Variants in PLCB1 observed in about 807,000 individuals in gnomAD.
PLCB1 encodes the protein 1-phosphatidylinositol 4,5-bisphosphate phosphodiesterase beta-1.
In PLCB1, 46 loss-of-function variants were observed where a neutral mutation model predicts 161.8. That is an observed-to-expected ratio of 0.28 (90% CI 0.22 to 0.36). The LOEUF (loss-of-function observed/expected upper bound fraction) is 0.36, where lower values mean the gene tolerates loss of function less well. Ranked by LOEUF, PLCB1 falls within the 10% of genes least tolerant of loss-of-function variation. PLCB1 has a pLI of 1.00. For synonymous variants in PLCB1, 517 were observed against 503.7 expected (o/e 1.03, Z -0.35); for missense variants, 1,016 against 1,472.5 (o/e 0.69, Z 5.07).
chr20:8,231,717 C>A (rs1480419296), intron 2 of PLCB1, among the ~76,000 whole-genome samples: 1 of 16,522 alleles, frequency 6.1e-5, no homozygotes, highest in Non-Finnish European at 1.1e-4. Context: ...ACCCATTGAC[C>A]AAACAGGAGA....
At chr20:8,465,401 C>T (rs144997782) in intron 3 of PLCB1, among the ~76,000 whole-genome samples, 262 of 152,140 alleles carry the variant, frequency 1.7e-3, no homozygotes, top group African/African-American at 6.0e-3. Flanking sequence ...GTGCTCAATT[C>T]ATCAGGCAAT....
At chr20:8,644,238 G>A (rs1482180217) in intron 4 of PLCB1, among the ~76,000 whole-genome samples, 4 of 151,848 alleles carry the variant, frequency 2.6e-5, no homozygotes, top group Non-Finnish European at 4.4e-5. Flanking sequence ...AGTGAGGAGC[G>A]TCTCTGCCTG....
chr20:8,332,142 G>T, intron 2 of PLCB1, among the ~76,000 whole-genome samples: 1 of 152,174 alleles, frequency 6.6e-6, no homozygotes, highest in Non-Finnish European at 1.5e-5. Context: ...CTTTCATAAT[G>T]CCTTGTGCTG....
intron 2 of PLCB1, among the ~76,000 whole-genome samples, chr20:8,278,978 TAAA>T: frequency 8.1e-6 from 1 of 123,736 alleles, no homozygotes; most frequent in African/African-American, 3.1e-5. Context: ...CAGTGTTTTT[TAAA>T]AAAAAAAACA....
chr20:8,515,544 C>T (rs1984073668), intron 3 of PLCB1, among the ~76,000 whole-genome samples: 1 of 152,076 alleles, frequency 6.6e-6, no homozygotes, highest in Non-Finnish European at 1.5e-5. Flanking sequence ...ATTTGTATTC[C>T]TAGCTCAGAG....
Position 8,647,957 on chromosome 20 carries a change from A to C in PLCB1, c.518+4A>C, listed in dbSNP as rs776964999. The C allele has an allele frequency of 6.5e-7, 1 of 1,544,584 alleles. No homozygotes were observed. Among genetic ancestry groups the C allele is most frequent in the Non-Finnish European group, 8.7e-7 (1 of 1,143,852 alleles). On this transcript the variant is annotated splice_donor_region_variant and intron_variant, in intron 6 of 31. Transcript: ENST00000338037. Reference sequence around the variant, plus strand: ...AAGGGCGTATTCCTCTCAAAAAGTAAGCTTTGTGAGCATTTCTCATTATTC... The same window carrying C: ...AAGGGCGTATTCCTCTCAAAAAGTACGCTTTGTGAGCATTTCTCATTATTC...
intron 31 of PLCB1, among the ~76,000 whole-genome samples, chr20:8,853,146 C>A (rs1482769826): frequency 6.6e-6 from 1 of 152,150 alleles, no homozygotes; most frequent in African/African-American, 2.4e-5. Context: ...ATCAAAGGAA[C>A]TTTGGGCACA....
intron 3 of PLCB1, among the ~76,000 whole-genome samples, chr20:8,401,980 A>AT (rs1019233197): frequency 4.6e-5 from 7 of 151,882 alleles, no homozygotes; most frequent in African/African-American, 1.5e-4. Flanking sequence ...TGCATAACCT[A>AT]TTTTTTTCTC....
chr20:8,151,182 A>G (rs563620662), intron 2 of PLCB1, among the ~76,000 whole-genome samples: 2 of 152,294 alleles, frequency 1.3e-5, no homozygotes, highest in South Asian at 4.1e-4. Flanking sequence ...GGGTTTACTG[A>G]GAATGCTAAA....
At chr20:8,224,747 T>TC (rs527306611) in intron 2 of PLCB1, among the ~76,000 whole-genome samples, 43 of 152,120 alleles carry the variant, frequency 2.8e-4, no homozygotes, top group Middle Eastern at 3.4e-3. Flanking sequence ...TCTGGCACCA[T>TC]CCCCCCGCCC....
At chr20:8,259,530 C>T (rs191900237) in intron 2 of PLCB1, among the ~76,000 whole-genome samples, 10 of 152,092 alleles carry the variant, frequency 6.6e-5, no homozygotes, top group African/African-American at 1.9e-4. Context: ...GTGGGAGGAT[C>T]GCTTGAGCCC....
rs914499616 is a variant in PLCB1 at position 8,431,980 on chromosome 20, C to T, written c.246+60530C>T. ...CAGAACATTCCTTCTTTTGGCTTGT[C>T]GGCAACCACCATGTCACTGTGTGCT... is the stretch of plus-strand genomic sequence containing the variant. On this transcript the variant is annotated intron_variant, in intron 3 of 31. Coordinates refer to ENST00000338037, the MANE Select transcript of PLCB1 (RefSeq NM_015192.4). 1.3e-4 allele frequency among the ~76,000 whole-genome samples: 19 copies of T among 151,702 alleles called. No individual in the cohort carries two copies. In the East Asian group the frequency reaches 1.9e-3, roughly 15 times the overall value.
intron 2 of PLCB1, among the ~76,000 whole-genome samples, chr20:8,228,734 G>A (rs775220600): frequency 5.9e-5 from 9 of 151,810 alleles, no homozygotes; most frequent in Non-Finnish European, 1.2e-4. Context: ...TGTTGCTCAG[G>A]CTGAACTCTC....
At chr20:8,612,537 A>G (rs182288525) in intron 3 of PLCB1, among the ~76,000 whole-genome samples, 125 of 152,312 alleles carry the variant, frequency 8.2e-4, no homozygotes, top group Non-Finnish European at 1.4e-3. Context: ...TACATATTCC[A>G]TAGGGATTAA....
chr20:8,683,554 C>G (rs547992718), intron 9 of PLCB1, among the ~76,000 whole-genome samples: 1 of 152,222 alleles, frequency 6.6e-6, no homozygotes, highest in Admixed American at 6.5e-5. Context: ...AAGATTATGA[C>G]AAAAAATTGT....
intron 18 of PLCB1, among the ~76,000 whole-genome samples, chr20:8,731,026 T>G (rs1398421873): frequency 2.0e-5 from 3 of 151,878 alleles, no homozygotes; most frequent in Non-Finnish European, 2.9e-5. Flanking sequence ...CTGCCTTATT[T>G]ATTGCTTTGG....
intron 3 of PLCB1, among the ~76,000 whole-genome samples, chr20:8,624,864 A>G (rs1467835696): frequency 1.3e-5 from 2 of 152,208 alleles, no homozygotes; most frequent in African/African-American, 4.8e-5. Flanking sequence ...GAATTCAATT[A>G]TAGCTGCCAG....
At chr20:8,414,166 G>T (rs1236404547) in intron 3 of PLCB1, among the ~76,000 whole-genome samples, 3 of 151,974 alleles carry the variant, frequency 2.0e-5, no homozygotes, top group Non-Finnish European at 2.9e-5. Flanking sequence ...TGTTTTTAAT[G>T]AAAATGAAGA....
chr20:8,604,130 GTA>G (rs1987684260), intron 3 of PLCB1, among the ~76,000 whole-genome samples: 2 of 151,910 alleles, frequency 1.3e-5, no homozygotes, highest in African/African-American at 4.8e-5. Context: ...GCATGTGCCT[GTA>G]ATCCTAGCTA....
Sources: gnomAD v4.1 joint callset for allele counts (sites outside exome capture counted in the v4.1 genomes callset) on GRCh38, gnomAD v4.1.1 for gene constraint, MANE v1.5 for transcripts, NCBI Gene and HGNC (gene_info 2026-07-23, HGNC 2026-07-21) for gene names.